Variants in TOX observed in about 807,000 individuals in gnomAD.
TOX encodes thymocyte selection-associated high mobility group box protein TOX.
TOX carries 11 observed loss-of-function variants against 53.7 expected under a neutral mutation model. The observed-to-expected ratio is 0.20, with a 90% CI of 0.13 to 0.34. The LOEUF is 0.34. TOX is among the 10% of genes least tolerant of loss of function. The pLI is 1.00. For synonymous variants in TOX, 225 were observed against 245.3 expected (o/e 0.92, Z 0.77); for missense variants, 570 against 664.6 (o/e 0.86, Z 1.56).
At chr8:58,882,858 A>G (rs145902598) in intron 3 of TOX, among the ~76,000 whole-genome samples, 1 of 152,254 alleles carries the variant, frequency 6.6e-6, no homozygotes, top group African/African-American at 2.4e-5. Context: ...GATTCTTCGA[A>G]CTGTCTCATG....
chr8:59,075,792 G>T (rs925071780), intron 1 of TOX, among the ~76,000 whole-genome samples: 3 of 152,068 alleles, frequency 2.0e-5, no homozygotes, highest in Non-Finnish European at 4.4e-5. Flanking sequence ...TGGAGTCAAA[G>T]GGCCTGCTCA....
At chr8:59,112,113 C>G (rs1178717497) in intron 1 of TOX, among the ~76,000 whole-genome samples, 3 of 152,168 alleles carry the variant, frequency 2.0e-5, no homozygotes, top group Non-Finnish European at 4.4e-5. Flanking sequence ...ATAGTGATAC[C>G]TCCCATCAGG....
At chr8:59,021,481 A>AATATATATATATATATATATATAT (rs55755723) in intron 1 of TOX, among the ~76,000 whole-genome samples, 8 of 64,714 alleles carry the variant, frequency 1.2e-4, no homozygotes, top group African/African-American at 3.7e-4. Context: ...AAAAAAAAAA[A>AATATATATATATATATATATATAT]ATATATATAT....
At chr8:59,108,675 C>G (rs1804956638) in intron 1 of TOX, among the ~76,000 whole-genome samples, 2 of 150,508 alleles carry the variant, frequency 1.3e-5, no homozygotes, top group Non-Finnish European at 2.9e-5. Context: ...CACACACACA[C>G]ACACACACAC....
At chr8:59,036,082 C>A (rs1269693492) in intron 1 of TOX, among the ~76,000 whole-genome samples, 1 of 152,164 alleles carries the variant, frequency 6.6e-6, no homozygotes, top group East Asian at 1.9e-4. Context: ...GTTCCCCTAG[C>A]AGTTGTATTC....
chr8:58,942,264 G>T (rs957244718), intron 2 of TOX, among the ~76,000 whole-genome samples: 2 of 151,998 alleles, frequency 1.3e-5, no homozygotes, highest in African/African-American at 4.8e-5. Context: ...TTAAAAGAAG[G>T]TTTAATTGGT....
At chr8:58,965,987 T>C (rs1287067506) in intron 1 of TOX, among the ~76,000 whole-genome samples, 2 of 148,346 alleles carry the variant, frequency 1.3e-5, no homozygotes, top group Non-Finnish European at 3.0e-5. Context: ...GCAAAGCATT[T>C]TGAAAGTTAA....
At chr8:58,854,664 C>T (rs4738722) in intron 3 of TOX, among the ~76,000 whole-genome samples, 48,341 of 151,980 alleles carry the variant, frequency 0.32, 7,862 homozygotes, top group Middle Eastern at 0.35. Context: ...GGTGTTAGGT[C>T]AGGCAGACAG....
At chr8:58,849,666 A>G (rs919555380) in intron 4 of TOX, among the ~76,000 whole-genome samples, 3 of 152,234 alleles carry the variant, frequency 2.0e-5, no homozygotes, top group African/African-American at 7.2e-5. Flanking sequence ...AATCCGGTAT[A>G]CAATTTACTG....
At chr8:59,070,900 A>G (rs1269541843) in intron 1 of TOX, among the ~76,000 whole-genome samples, 1 of 152,214 alleles carries the variant, frequency 6.6e-6, no homozygotes, top group Non-Finnish European at 1.5e-5. Context: ...CATCCCGAAC[A>G]AAAGCAATTA....
At chr8:58,967,811 C>T (rs890242436) in intron 1 of TOX, among the ~76,000 whole-genome samples, 2 of 152,176 alleles carry the variant, frequency 1.3e-5, no homozygotes, top group African/African-American at 4.8e-5. Context: ...TCTGGTTTCC[C>T]TGGGCTTACA....
At chr8:59,040,451 T>A (rs1803559918) in intron 1 of TOX, among the ~76,000 whole-genome samples, 1 of 151,912 alleles carries the variant, frequency 6.6e-6, no homozygotes, top group Non-Finnish European at 1.5e-5. Flanking sequence ...GGTACAGCAG[T>A]AACCTCCCAC....
intron 3 of TOX, among the ~76,000 whole-genome samples, chr8:58,867,195 C>T (rs530369843): frequency 5.3e-5 from 8 of 152,146 alleles, no homozygotes; most frequent in Non-Finnish European, 1.2e-4. Context: ...TCAGAATCTT[C>T]TGGAATAGTA....
chr8:59,027,440 T>C (rs1027874690), intron 1 of TOX, among the ~76,000 whole-genome samples: 1 of 94,992 alleles, frequency 1.1e-5, no homozygotes, highest in Non-Finnish European at 2.1e-5. Flanking sequence ...CCTTATGTCA[T>C]AGGAACAAGG....
At chr8:59,102,514 C>T (rs1563447212) in intron 1 of TOX, among the ~76,000 whole-genome samples, 1 of 152,094 alleles carries the variant, frequency 6.6e-6, no homozygotes, top group Non-Finnish European at 1.5e-5. Flanking sequence ...CAGGTGTGAG[C>T]CATTGTGCCC....
intron 1 of TOX, among the ~76,000 whole-genome samples, chr8:59,011,390 T>C (rs1813900985): frequency 6.6e-6 from 1 of 152,196 alleles, no homozygotes; most frequent in South Asian, 2.1e-4. Flanking sequence ...GAAACCAGCA[T>C]GCCAGGCTCA....
At chr8:58,963,166 T>C (rs939779918) in intron 1 of TOX, among the ~76,000 whole-genome samples, 41 of 152,288 alleles carry the variant, frequency 2.7e-4, no homozygotes, top group Middle Eastern at 3.4e-3. Context: ...ACTTGCCAGC[T>C]TTCGGTCTGG....
At chr8:59,075,823 TGAA>T (rs1804283045) in intron 1 of TOX, among the ~76,000 whole-genome samples, 1 of 151,714 alleles carries the variant, frequency 6.6e-6, no homozygotes, top group Admixed American at 6.6e-5. Context: ...GTCAGGAACA[TGAA>T]GAAACCCCGT....
At chr8:59,098,887 C>A (rs1243236093) in intron 1 of TOX, among the ~76,000 whole-genome samples, 1 of 152,156 alleles carries the variant, frequency 6.6e-6, no homozygotes, top group East Asian at 1.9e-4. Context: ...TTAATATGCT[C>A]CAGTTGCCCT....
Sources: gnomAD v4.1 joint callset for allele counts (sites outside exome capture counted in the v4.1 genomes callset) on GRCh38, gnomAD v4.1.1 for gene constraint, MANE v1.5 for transcripts, NCBI Gene and HGNC (gene_info 2026-07-23, HGNC 2026-07-21) for gene names.